Variants in CCDC7 observed in about 807,000 individuals in gnomAD.
CCDC7 encodes coiled-coil domain-containing protein 7.
A neutral mutation model predicts 196.9 loss-of-function variants in CCDC7; 183 were observed. That is an observed-to-expected ratio of 0.93 (90% CI 0.82 to 1.05). CCDC7 has a LOEUF of 1.05. Ranked by LOEUF, CCDC7 falls within the 50% of genes least tolerant of loss-of-function variation. The probability of loss-of-function intolerance (pLI) is 0.00; values close to 1 mark genes in which losing one functional copy is unlikely to be tolerated. For synonymous variants in CCDC7, 525 were observed against 484.6 expected, an observed-to-expected ratio of 1.08 and a Z score of -1.10; for missense variants, 1,540 against 1,482.2, an observed-to-expected ratio of 1.04 and a Z score of -0.64.
At chr10:32,816,515 T>C (rs1455594384) in intron 31 of CCDC7, among the ~76,000 whole-genome samples, 1 of 152,218 alleles carries the variant, frequency 6.6e-6, no homozygotes, top group Non-Finnish European at 1.5e-5. Context: ...CAGCTGGAGA[T>C]CTGAGAATGG....
At chr10:32,852,273 G>A (rs1483345697) in intron 40 of CCDC7, among the ~76,000 whole-genome samples, 1 of 151,920 alleles carries the variant, frequency 6.6e-6, no homozygotes, top group Non-Finnish European at 1.5e-5. Flanking sequence ...TGCAACCCCA[G>A]GGAGAGCATA....
chr10:32,626,430 T>G (rs923721930), intron 18 of CCDC7, among the ~76,000 whole-genome samples: 1 of 152,048 alleles, frequency 6.6e-6, no homozygotes, highest in African/African-American at 2.4e-5. Flanking sequence ...TTCTTGCTGT[T>G]GAATTTAGTT....
At chr10:32,681,242 G>A (rs2075810356) in intron 21 of CCDC7, among the ~76,000 whole-genome samples, 1 of 152,068 alleles carries the variant, frequency 6.6e-6, no homozygotes, top group Non-Finnish European at 1.5e-5. Context: ...ATTTTGTGGT[G>A]GGCCAATTGA....
chr10:32,782,631 T>C (rs2081245677), intron 29 of CCDC7, among the ~76,000 whole-genome samples: 1 of 152,244 alleles, frequency 6.6e-6, no homozygotes, highest in Admixed American at 6.5e-5. Context: ...GAGGTTATTG[T>C]TGCAAAATAG....
intron 5 of CCDC7, among the ~76,000 whole-genome samples, chr10:32,469,661 T>TG (rs779870081): frequency 2.6e-5 from 4 of 152,188 alleles, no homozygotes; most frequent in African/African-American, 7.2e-5. Flanking sequence ...TACGAAGTTC[T>TG]GGGGGAAGCT....
intron 18 of CCDC7, among the ~76,000 whole-genome samples, chr10:32,614,003 G>A (rs1415861542): frequency 6.6e-6 from 1 of 152,084 alleles, no homozygotes; most frequent in East Asian, 1.9e-4. Flanking sequence ...ATTGACAGTA[G>A]GGTGTTAACG....
intron 25 of CCDC7, among the ~76,000 whole-genome samples, chr10:32,717,148 C>A (rs190886950): frequency 2.0e-5 from 3 of 152,272 alleles, no homozygotes; most frequent in Admixed American, 1.3e-4. Context: ...TATAACTCCT[C>A]AGCAAATGCA....
chr10:32,833,751 C>T (rs2092397963), intron 32 of CCDC7, among the ~76,000 whole-genome samples: 1 of 151,970 alleles, frequency 6.6e-6, no homozygotes, highest in Non-Finnish European at 1.5e-5. Flanking sequence ...GGAGATAATG[C>T]CCTAAATTGT....
intron 7 of CCDC7, 146 bp downstream of exon 8, chr10:32,472,688 G>C: frequency 1.5e-6 from 1 of 669,780 alleles, no homozygotes; most frequent in Non-Finnish European, 2.2e-6. Flanking sequence ...TCAAACTCTT[G>C]GGCTCAAGTG....
chr10:32,464,679 G>A (rs901772743), intron 5 of CCDC7, among the ~76,000 whole-genome samples: 1 of 151,818 alleles, frequency 6.6e-6, no homozygotes, highest in Admixed American at 6.6e-5. Flanking sequence ...CTGGCTAATT[G>A]GTATTTTTTT....
At chr10:32,599,070 G>T (rs1450861123) in intron 18 of CCDC7, among the ~76,000 whole-genome samples, 3 of 152,054 alleles carry the variant, frequency 2.0e-5, no homozygotes, top group Non-Finnish European at 4.4e-5. Context: ...TCAGTGTTTG[G>T]TTCAGATATT....
intron 21 of CCDC7, among the ~76,000 whole-genome samples, chr10:32,676,325 C>A (rs537958708): frequency 6.6e-5 from 10 of 152,086 alleles, no homozygotes; most frequent in East Asian, 5.8e-4. Flanking sequence ...GACTTCATGT[C>A]TAAAACACCA....
rs2080519284 is a variant in CCDC7 at position 32,709,864 on chromosome 10, TATCATTGACTGCTCTCACTCTCGTC to T, written c.2459-1753_2459-1729del. On this transcript the variant is annotated intron_variant, in intron 24 of 41. Transcript: ENST00000639629. ...GAAATCTGAGACTTGTTAAAAATCT[TATCATTGACTGCTCTCACTCTCGTC>T]ATTGACTGCTCTCACTCTCAAGCAA... Among the ~76,000 whole-genome samples the T allele has an allele frequency of 2.0e-5, 3 of 151,946 alleles. No homozygotes were observed. In the South Asian group the frequency reaches 6.2e-4, roughly 32 times the overall value.
chr10:32,879,969 G>A (rs2137050416), downstream of CCDC7, among the ~76,000 whole-genome samples: 1 of 152,174 alleles, frequency 6.6e-6, no homozygotes, highest in Non-Finnish European at 1.5e-5. Context: ...CATTTGGGTT[G>A]ATTCCATGTC....
chr10:32,833,674 C>T (rs1178469897), intron 32 of CCDC7, among the ~76,000 whole-genome samples: 5 of 152,078 alleles, frequency 3.3e-5, no homozygotes, highest in Admixed American at 3.3e-4. Flanking sequence ...TGTAGGTCAT[C>T]ATTTTCACGA....
At chr10:32,565,089 C>T (rs977346644) in intron 13 of CCDC7, among the ~76,000 whole-genome samples, 7 of 152,190 alleles carry the variant, frequency 4.6e-5, no homozygotes, top group Admixed American at 6.5e-5. Context: ...CAGCATTTGT[C>T]TAGTGGGAAC....
intron 13 of CCDC7, among the ~76,000 whole-genome samples, chr10:32,554,150 C>T (rs2053965889): frequency 6.6e-6 from 1 of 152,186 alleles, no homozygotes; most frequent in African/African-American, 2.4e-5. Flanking sequence ...AAATGAAGGG[C>T]CCGTGTTGCT....
intron 25 of CCDC7, among the ~76,000 whole-genome samples, chr10:32,725,093 T>C (rs149360128): frequency 1.3e-5 from 2 of 152,230 alleles, no homozygotes; most frequent in African/African-American, 2.4e-5. Flanking sequence ...TGCATGCATG[T>C]GTACATGAAT....
chr10:32,459,137 A>G (rs1182994571), intron 3 of CCDC7, among the ~76,000 whole-genome samples: 1 of 151,974 alleles, frequency 6.6e-6, no homozygotes, highest in Non-Finnish European at 1.5e-5. Context: ...TTGATTTTAT[A>G]TTTTGCAGCT....
Sources: allele counts gnomAD v4.1 joint callset (sites outside exome capture counted in the v4.1 genomes callset), GRCh38; gene constraint gnomAD v4.1.1; transcripts MANE v1.5; gene names NCBI Gene and HGNC (gene_info 2026-07-23, HGNC 2026-07-21).